The following OCA2 variants were observed in gnomAD, a reference collection of about 807,000 sequenced individuals.
OCA2 encodes OCA2 melanosomal transmembrane protein, also known as P protein.
OCA2 carries 77 observed loss-of-function variants against 100.2 expected under a neutral mutation model. That is an observed-to-expected ratio of 0.77 (90% CI 0.64 to 0.93). OCA2 has a LOEUF of 0.93. Among genes scored for constraint, OCA2 ranks in the 40% least tolerant of loss-of-function variants. The pLI is 0.00. For missense variants in OCA2, 1,062 were observed against 1,089.1 expected (o/e 0.98, Z 0.35); for synonymous variants, 432 against 439.2 (o/e 0.98, Z 0.21).
intron 2 of OCA2, among the ~76,000 whole-genome samples, chr15:28,060,946 T>G (rs554244192): frequency 6.6e-6 from 1 of 152,334 alleles, no homozygotes; most frequent in African/African-American, 2.4e-5. Flanking sequence ...CAGAGGTGAA[T>G]AGCCTTCTCT....
At chr15:28,025,741 C>T (rs1269707885) in intron 4 of OCA2, among the ~76,000 whole-genome samples, 1 of 152,230 alleles carries the variant, frequency 6.6e-6, no homozygotes, top group Middle Eastern at 3.2e-3. Flanking sequence ...GGCACTAGAG[C>T]GTTTTTGCTT....
At chr15:28,013,875 CTG>C (rs142314099) in intron 9 of OCA2, among the ~76,000 whole-genome samples, 2,062 of 152,316 alleles carry the variant, frequency 0.014, 42 homozygotes, top group African/African-American at 0.047. Context: ...GGGAACAAAA[CTG>C]TTCTAGAACT....
intron 23 of OCA2, among the ~76,000 whole-genome samples, chr15:27,821,486 G>A (rs1057282720): frequency 6.6e-6 from 1 of 151,548 alleles, no homozygotes. Context: ...GCATATGCAC[G>A]CACACCCACA....
intron 23 of OCA2, among the ~76,000 whole-genome samples, chr15:27,816,521 C>T (rs945717414): frequency 2.0e-5 from 3 of 152,158 alleles, no homozygotes; most frequent in African/African-American, 7.2e-5. Context: ...TCTCAGCGCC[C>T]CAGCTCCCCG....
rs577722321 is a variant in OCA2, at chr15:27,894,420, T to A, written c.2080-22498A>T. Among the ~76,000 whole-genome samples, 9 of 152,308 alleles carry A rather than the reference T, an allele frequency of 5.9e-5. No individual in the cohort carries two copies. The East Asian group carries it at 1.7e-3, about 29-fold the overall frequency. On this transcript the variant is annotated intron_variant, in intron 19 of 23. Coordinates refer to ENST00000354638, the MANE Select transcript of OCA2 (RefSeq NM_000275.3). ...ACATTCAGGAATGTGGCCATAGAAT[T>A]CTCTCTGGACGAGTGGAAATACTGG...
the OCA2 span, among the ~76,000 whole-genome samples, chr15:27,720,455 TTATATA>T: frequency 3.9e-4 from 59 of 150,168 alleles, no homozygotes; most frequent in Middle Eastern, 3.6e-3. Flanking sequence ...ATTCATCTGT[TTATATA>T]TATATGCATT....
rs1038219361 is a variant in OCA2 at position 27,832,263 on chromosome 15, C to T, written c.2432+12696G>A. On this transcript the variant is annotated intron_variant, in intron 23 of 23. Transcript: ENST00000354638. The stretch of plus-strand genomic sequence containing the variant: ...CCCCACCTGCCCTGCACACACTGGC[C>T]CCAAGCCTCAGGCTCTAACCTGGCC... 3.9e-5 allele frequency among the ~76,000 whole-genome samples: 6 copies of T among 152,226 alleles called. 1 individual carries two copies. The highest frequency in any genetic ancestry group is 8.8e-5 in the Non-Finnish European group (6 of 68,036).
chr15:27,763,488 T>C (rs1448667409), intron 23 of OCA2, among the ~76,000 whole-genome samples: 3 of 152,058 alleles, frequency 2.0e-5, no homozygotes, highest in Non-Finnish European at 4.4e-5. Flanking sequence ...ACAAAAGACA[T>C]GAAGAGACAT....
intron 14 of OCA2, among the ~76,000 whole-genome samples, chr15:27,971,135 G>A (rs75985354): frequency 1.7e-4 from 26 of 151,000 alleles, no homozygotes; most frequent in Non-Finnish European, 2.2e-4. Context: ...CAGCATGCAA[G>A]ACATGATGGG....
downstream of OCA2, among the ~76,000 whole-genome samples, chr15:27,750,762 G>T (rs945132091): frequency 1.3e-5 from 2 of 152,212 alleles, no homozygotes; most frequent in African/African-American, 4.8e-5. Context: ...CATAGTCAAG[G>T]TTGGCACAGT....
chr15:27,883,886 GA>G (rs2037121814), intron 19 of OCA2, among the ~76,000 whole-genome samples: 1 of 152,010 alleles, frequency 6.6e-6, no homozygotes, highest in African/African-American at 2.4e-5. Context: ...TGATTTTTTT[GA>G]ACCTCTAAAA....
At chr15:27,861,861 A>G (rs948503665) in intron 21 of OCA2, among the ~76,000 whole-genome samples, 3 of 152,154 alleles carry the variant, frequency 2.0e-5, no homozygotes, top group African/African-American at 4.8e-5. Context: ...CCTGCGAATG[A>G]TCAGCAGAGT....
At chr15:28,015,454 G>A (rs1004137646) in intron 8 of OCA2, among the ~76,000 whole-genome samples, 10 of 152,182 alleles carry the variant, frequency 6.6e-5, no homozygotes, top group Non-Finnish European at 8.8e-5. Context: ...CTAACCCCGA[G>A]TACCTCCAAA....
chr15:27,968,580 A>G (rs937049888), intron 14 of OCA2, among the ~76,000 whole-genome samples: 1 of 152,260 alleles, frequency 6.6e-6, no homozygotes, highest in Admixed American at 6.5e-5. Context: ...AAAATATGTG[A>G]AATCACTTTC....
At chr15:27,807,176 C>T (rs1364486705) in intron 23 of OCA2, among the ~76,000 whole-genome samples, 1 of 152,148 alleles carries the variant, frequency 6.6e-6, no homozygotes, top group Non-Finnish European at 1.5e-5. Flanking sequence ...CTACCTCACA[C>T]CCTCTAAGCC....
chr15:27,842,907 T>C (rs541961505), intron 23 of OCA2, among the ~76,000 whole-genome samples: 1 of 152,294 alleles, frequency 6.6e-6, no homozygotes, highest in South Asian at 2.1e-4. Context: ...CCCACATGCA[T>C]CACCCACTGG....
intron 2 of OCA2, among the ~76,000 whole-genome samples, chr15:28,074,673 CAAAA>C (rs1172821817): frequency 3.4e-4 from 23 of 66,922 alleles, no homozygotes; most frequent in South Asian, 1.5e-3. Flanking sequence ...GACTCCGTCT[CAAAA>C]AAAAAAAAAA....
chr15:27,866,220 G>A (rs984327812), intron 21 of OCA2, among the ~76,000 whole-genome samples: 14 of 152,206 alleles, frequency 9.2e-5, no homozygotes, highest in Admixed American at 4.6e-4. Context: ...CCAGTACAGG[G>A]AAGGAGGGAG....
At chr15:27,924,156 T>C (rs1352457313) in intron 19 of OCA2, among the ~76,000 whole-genome samples, 4 of 152,170 alleles carry the variant, frequency 2.6e-5, no homozygotes, top group Admixed American at 1.3e-4. Flanking sequence ...TTGTCGAAGA[T>C]CAGATGGTCA....
Sources: allele counts gnomAD v4.1 joint callset (sites outside exome capture counted in the v4.1 genomes callset), GRCh38; gene constraint gnomAD v4.1.1; transcripts MANE v1.5; gene names NCBI Gene and HGNC (gene_info 2026-07-23, HGNC 2026-07-21).